Variants in ASAP1 observed in about 807,000 individuals in gnomAD.
ASAP1 encodes the protein ArfGAP with SH3 domain, ankyrin repeat and PH domain 1, also known as arf-GAP with SH3 domain, ANK repeat and PH domain-containing protein 1.
In ASAP1, 43 loss-of-function variants were observed where a neutral mutation model predicts 145.2. That is an observed-to-expected ratio of 0.30 (90% CI 0.23 to 0.38). ASAP1 has a LOEUF of 0.38. ASAP1 is among the 10% of genes least tolerant of loss of function. The probability of loss-of-function intolerance (pLI) is 1.00; values close to 1 mark genes in which losing one functional copy is unlikely to be tolerated. For synonymous variants in ASAP1, 546 were observed against 515.5 expected (o/e 1.06, Z -0.80); for missense variants, 1,018 against 1,355.3 (o/e 0.75, Z 3.91).
intron 2 of ASAP1, among the ~76,000 whole-genome samples, chr8:130,366,064 T>C (rs1294745399): frequency 6.6e-6 from 1 of 152,228 alleles, no homozygotes; most frequent in Non-Finnish European, 1.5e-5. Flanking sequence ...CAGTGTTCCC[T>C]GACAGATTTG....
At chr8:130,064,495 T>C (rs2097426090) in intron 27 of ASAP1, among the ~76,000 whole-genome samples, 1 of 152,110 alleles carries the variant, frequency 6.6e-6, no homozygotes, top group African/African-American at 2.4e-5. Flanking sequence ...CAGTTTTAAG[T>C]AGAGAAGCCT....
Position 130,296,355 on chromosome 8 carries a change from G to A in ASAP1, c.187-59361C>T, listed in dbSNP as rs561580688. ...TTCATGAGAGTCACCTCAGCTCCAC[G>A]AAAACCTTGTTCAACAAAGGCACAC... On this transcript the variant is annotated intron_variant, in intron 3 of 29. Transcript: ENST00000518721. Among the ~76,000 whole-genome samples the A allele has an allele frequency of 2.0e-5, 3 of 152,268 alleles. No homozygotes were observed. The South Asian group carries it at 6.2e-4, about 32-fold the overall frequency.
chr8:130,360,369 C>T (rs766310420), intron 2 of ASAP1, among the ~76,000 whole-genome samples: 9 of 152,176 alleles, frequency 5.9e-5, no homozygotes, highest in Non-Finnish European at 1.3e-4. Context: ...AGGACACCAA[C>T]CCCAGGACCT....
Position 130,052,730 on chromosome 8 carries a change from TTTTTG to T in ASAP1, c.*1996_*2000del, listed in dbSNP as rs1194615077. 3 of 131,206 alleles carry T rather than the reference TTTTTG, an allele frequency of 2.3e-5. No homozygotes were observed. The highest frequency in any genetic ancestry group is 5.3e-5 in the Non-Finnish European group (3 of 56,662). 8.1% of individuals were successfully genotyped at this position (131,206 alleles called of 1,614,324 possible). On this transcript the variant is annotated 3_prime_UTR_variant, in exon 30 of 30. Transcript: ENST00000518721. ...ATGCAGCTTTTGTGTTTTTTTTTTGTTTTTGTTTTTTTTTTTTTTTTGAAAAAAAC... is the reference window on the plus strand; with the variant it reads ...ATGCAGCTTTTGTGTTTTTTTTTTGTTTTTTTTTTTTTTTTTGAAAAAAAC...
At chr8:130,094,593 G>A (rs1341361374) in intron 24 of ASAP1, among the ~76,000 whole-genome samples, 1 of 152,126 alleles carries the variant, frequency 6.6e-6, no homozygotes, top group African/African-American at 2.4e-5. Context: ...TGTGGGTCAG[G>A]TAGTATTGTC....
At chr8:130,384,379 AG>A (rs1194011632) in intron 2 of ASAP1, among the ~76,000 whole-genome samples, 1 of 152,198 alleles carries the variant, frequency 6.6e-6, no homozygotes, top group Non-Finnish European at 1.5e-5. Context: ...ATTCTGTGTT[AG>A]TATGTGCCAC....
In ASAP1 at chr8:130,417,359, G is replaced by A. The variant is rs1051472160; in HGVS notation, c.-27-15389C>T. On this transcript the variant is annotated intron_variant, in intron 1 of 29. Transcript: ENST00000518721. ...TGGGCCCATGGAAAGGATGCTGGGC[G>A]GTTCCCAGATGCCCTTCCAGGGGCC... Among the ~76,000 whole-genome samples, 3 of 152,368 alleles carry A rather than the reference G, an allele frequency of 2.0e-5. 1 individual carries two copies. The highest frequency in any genetic ancestry group is 6.5e-5 in the Admixed American group (1 of 15,310).
chr8:130,241,801 T>C (rs1818543239), intron 3 of ASAP1, among the ~76,000 whole-genome samples: 4 of 152,136 alleles, frequency 2.6e-5, no homozygotes, highest in Admixed American at 2.6e-4. Flanking sequence ...TTGAAATATA[T>C]TTATGCTAAC....
chr8:130,069,960 A>G (rs1226407337), intron 27 of ASAP1, among the ~76,000 whole-genome samples: 1 of 152,240 alleles, frequency 6.6e-6, no homozygotes, highest in Non-Finnish European at 1.5e-5. Context: ...TCCTGAAACT[A>G]GAATATAAAA....
chr8:130,208,313 T>A (rs554039062), intron 5 of ASAP1, among the ~76,000 whole-genome samples: 83 of 152,280 alleles, frequency 5.5e-4, no homozygotes, highest in Non-Finnish European at 1.0e-3. Flanking sequence ...TTGTGTATAG[T>A]TCTATGGCAT....
intron 2 of ASAP1, among the ~76,000 whole-genome samples, chr8:130,385,602 C>A (rs992074562): frequency 6.6e-6 from 1 of 152,214 alleles, no homozygotes; most frequent in African/African-American, 2.4e-5. Context: ...CTCAACTGGT[C>A]TCTGACTCTC....
intron 3 of ASAP1, among the ~76,000 whole-genome samples, chr8:130,355,763 C>G (rs1826267962): frequency 6.6e-6 from 1 of 152,112 alleles, no homozygotes; most frequent in Non-Finnish European, 1.5e-5. Flanking sequence ...TGGTGGCTAT[C>G]CTTCAGTAAA....
chr8:130,179,694 C>G (rs930038895), intron 8 of ASAP1, among the ~76,000 whole-genome samples: 1 of 151,882 alleles, frequency 6.6e-6, no homozygotes, highest in African/African-American at 2.4e-5. Context: ...GCAGAAAGTA[C>G]GCAGAATAGC....
At chr8:130,227,204 G>T (rs1484006491) in intron 4 of ASAP1, among the ~76,000 whole-genome samples, 1 of 152,082 alleles carries the variant, frequency 6.6e-6, no homozygotes, top group Non-Finnish European at 1.5e-5. Context: ...TAATGAGGTG[G>T]TAGCCTACGA....
At chr8:130,260,913 C>T (rs886452757) in intron 3 of ASAP1, among the ~76,000 whole-genome samples, 3 of 152,136 alleles carry the variant, frequency 2.0e-5, no homozygotes, top group Non-Finnish European at 4.4e-5. Context: ...ACCAAATTTG[C>T]TTTTCCCCCC....
intron 3 of ASAP1, among the ~76,000 whole-genome samples, chr8:130,327,532 A>T (rs1230151874): frequency 6.6e-6 from 1 of 152,218 alleles, no homozygotes; most frequent in African/African-American, 2.4e-5. Flanking sequence ...AATCTTCATT[A>T]AGACTCTCAG....
rs531675734 is a variant in ASAP1, at chr8:130,249,433, C to T, written c.187-12439G>A. ...TCTGGCCTTTATGACTCTGGAGATG[C>T]TAATTCTAGTAGCTAAAATTTTCTC... On this transcript the variant is annotated intron_variant, in intron 3 of 29. Transcript: ENST00000518721. Among the ~76,000 whole-genome samples the T allele has an allele frequency of 2.7e-4, 41 of 152,220 alleles. 1 individual carries two copies. The highest frequency in any genetic ancestry group is 9.9e-4 in the African/African-American group (41 of 41,542).
At position 130,311,965 on chromosome 8, in the gene ASAP1, C is replaced by T. The variant is rs184572005; in HGVS notation, c.186+46052G>A. 1.7e-4 allele frequency among the ~76,000 whole-genome samples: 26 copies of T among 152,098 alleles called. No homozygotes were observed. The East Asian group carries it at 3.1e-3, about 18-fold the overall frequency. ...TGTACTCCTTCTAAATGAGAAGATC[C>T]GAATTCAGCCTAGAACATGTAGGTG... On this transcript the variant is annotated intron_variant, in intron 3 of 29. Coordinates refer to ENST00000518721, the MANE Select transcript of ASAP1 (RefSeq NM_018482.4).
intron 4 of ASAP1, among the ~76,000 whole-genome samples, chr8:130,224,539 A>T (rs1475619287): frequency 6.6e-6 from 1 of 152,212 alleles, no homozygotes; most frequent in Non-Finnish European, 1.5e-5. Flanking sequence ...GGATTAAAAA[A>T]GATATACACA....
Sources: allele counts gnomAD v4.1 joint callset (sites outside exome capture counted in the v4.1 genomes callset), GRCh38; gene constraint gnomAD v4.1.1; transcripts MANE v1.5; gene names NCBI Gene and HGNC (gene_info 2026-07-23, HGNC 2026-07-21).